The following UTP4 variants were observed in gnomAD, a reference collection of about 807,000 sequenced individuals.
UTP4 encodes the protein UTP4 small subunit processome component.
A neutral mutation model predicts 82.4 loss-of-function variants in UTP4; 45 were observed. That is an observed-to-expected ratio of 0.55 (90% confidence interval 0.43 to 0.70). The LOEUF (loss-of-function observed/expected upper bound fraction) is 0.70, where lower values mean the gene tolerates loss of function less well. UTP4 is among the 30% of genes least tolerant of loss of function. The pLI is 0.00. For missense variants in UTP4, 819 were observed against 858.3 expected (o/e 0.95, Z 0.57); for synonymous variants, 348 against 300.3 (o/e 1.16, Z -1.64).
At position 69,153,656 on chromosome 16, in the gene UTP4, C is replaced by T. The variant is rs547849720; in HGVS notation, c.1075C>T (p.Arg359Ter). The change falls in exon 9 of 17, where the codon CGA (arginine) becomes TGA (stop). Residue 359 changes from arginine to a stop codon, truncating the protein, a stop_gained. Coordinates refer to ENST00000314423, the MANE Select transcript of UTP4 (RefSeq NM_032830.3). LOFTEE classifies it high-confidence loss of function. ...FQFAHHLELW[R>*]LGSTVATGKN... is the part of the protein sequence containing the mutation. ...GTTTGCTCATCACTTAGAACTTTGG[C>T]GACTGGGATCCACAGTTGCAACAGG... is the stretch of plus-strand genomic sequence containing the variant. The T allele has an allele frequency of 1.2e-6, 2 of 1,612,716 alleles. No homozygotes were observed. Among genetic ancestry groups the T allele is most frequent in the East Asian group, 2.2e-5 (1 of 44,878 alleles).
intron 6 of UTP4, among the ~76,000 whole-genome samples, chr16:69,149,149 G>A (rs771885617): frequency 6.6e-6 from 1 of 152,038 alleles, no homozygotes. Flanking sequence ...GGGAGGCCGA[G>A]GAGGGTATAT....
chr16:69,144,695 G>C (rs1205770743), intron 6 of UTP4, among the ~76,000 whole-genome samples: 1 of 152,142 alleles, frequency 6.6e-6, no homozygotes, highest in East Asian at 1.9e-4. Flanking sequence ...CCATATCACA[G>C]GTTTTTTTAG....
chr16:69,150,227 A>G (rs902757370), intron 6 of UTP4, among the ~76,000 whole-genome samples: 2 of 152,200 alleles, frequency 1.3e-5, no homozygotes, highest in Non-Finnish European at 2.9e-5. Context: ...CGAAGGATTT[A>G]AATTTCTCAA....
chr16:69,133,373 G>C, intron 1 of UTP4, 85 bp from the exon 2 acceptor site: 1 of 1,354,370 alleles, frequency 7.4e-7, no homozygotes, highest in South Asian at 1.2e-5. Context: ...CTTCCAGCCA[G>C]AACAGTGATA....
chr16:69,134,957 G>A (rs1962773177), intron 2 of UTP4, among the ~76,000 whole-genome samples: 1 of 151,312 alleles, frequency 6.6e-6, no homozygotes, highest in Non-Finnish European at 1.5e-5. Context: ...AAAGTGCTGG[G>A]ATTACAGGTG....
chr16:69,153,777 A>G (rs954342562), intron 9 of UTP4, 97 bp downstream of exon 9: 1 of 821,126 alleles, frequency 1.2e-6, no homozygotes, highest in Non-Finnish European at 2.1e-6. Context: ...AAACTGAAGT[A>G]GACTTTTGTG....
chr16:69,133,612 G>A lies in UTP4; in HGVS notation c.153G>A (p.Gln51=), dbSNP rs1318308323. Reference sequence around the variant, plus strand: ...ATAACTTGTCAGCAAACTACTTTCAGGAGAAAGTAAGTCATTTGGGAGTCT... The same window carrying A: ...ATAACTTGTCAGCAAACTACTTTCAAGAGAAAGTAAGTCATTTGGGAGTCT... ...EIYNLSANYF[Q]EKFFPGHESR... is the part of the protein sequence containing the mutation. The change falls in exon 2 of 17, where the codon CAG becomes CAA. Residue 51 remains glutamine (Q), a synonymous_variant. Transcript: ENST00000314423. 2.5e-6 allele frequency: 4 copies of A among 1,613,980 alleles called. No individual in the cohort carries two copies. In the East Asian group the frequency reaches 8.9e-5, roughly 36 times the overall value.
intron 5 of UTP4, 56 bp from the exon 6 acceptor site, chr16:69,143,122 A>G: frequency 6.3e-7 from 1 of 1,586,942 alleles, no homozygotes; most frequent in Admixed American, 1.7e-5. Context: ...CCGCAGGCAG[A>G]TTTTGAAGAC....
chr16:69,145,791 GT>G (rs1963093408), intron 6 of UTP4, among the ~76,000 whole-genome samples: 1 of 152,076 alleles, frequency 6.6e-6, no homozygotes. Context: ...TTGGCATAAG[GT>G]TAAGGCAGTG....
chr16:69,160,292 T>C, intron 12 of UTP4, 64 bp from the exon 13 acceptor site: 1 of 1,295,816 alleles, frequency 7.7e-7, no homozygotes, highest in Non-Finnish European at 1.1e-6. Context: ...TGCCATCATC[T>C]CCAGGGCAGG....
chr16:69,146,816 G>T (rs1024434372), intron 6 of UTP4, among the ~76,000 whole-genome samples: 1 of 151,538 alleles, frequency 6.6e-6, no homozygotes, highest in African/African-American at 2.4e-5. Context: ...CTAACATGGT[G>T]AAACCCCATC....
At chr16:69,137,996 T>C (rs1285633758) in intron 4 of UTP4, 111 bp downstream of exon 4, 1 of 759,318 alleles carries the variant, frequency 1.3e-6, no homozygotes, top group Non-Finnish European at 2.3e-6. Flanking sequence ...TTATCTCTAC[T>C]GGGTACAGGG....
In UTP4 at chr16:69,136,811, A is replaced by G. The variant is rs1871257986; in HGVS notation, c.275A>G (p.Asn92Ser). Reference protein sequence around the residue: ...EIMEYDLQALNIKYAMDAFGG... With the variant: ...EIMEYDLQALSIKYAMDAFGG... ...ATGGAGTATGATTTACAGGCGTTAA[A>G]CATCAAGTATGCTATGGATGCCTTT... The change falls in exon 3 of 17, where the codon AAC (asparagine) becomes AGC (serine). Residue 92 changes from asparagine (N) to serine (S), a missense_variant. By Grantham distance (46) the Asn-to-Ser change is conservative. Coordinates refer to ENST00000314423, the MANE Select transcript of UTP4 (RefSeq NM_032830.3). 2.5e-6 allele frequency: 4 copies of G among 1,614,140 alleles called. No homozygotes were observed. The South Asian group carries it at 4.4e-5, about 18-fold the overall frequency.
At chr16:69,133,968 G>C (rs575940078) in intron 2 of UTP4, among the ~76,000 whole-genome samples, 1 of 152,258 alleles carries the variant, frequency 6.6e-6, no homozygotes, top group African/African-American at 2.4e-5. Context: ...TATCAGTACT[G>C]TTTCATTGTC....
chr16:69,166,288 A>G (rs917339841), intron 15 of UTP4: 4 of 156,262 alleles, frequency 2.6e-5, no homozygotes, highest in African/African-American at 9.7e-5. Flanking sequence ...GGAAAGCAGC[A>G]GATGGCTCTA....
chr16:69,155,742 G>C (rs1011903554), intron 10 of UTP4, 129 bp from the exon 11 acceptor site: 1 of 983,656 alleles, frequency 1.0e-6, no homozygotes, highest in African/African-American at 1.6e-5. Context: ...CAGACCACAC[G>C]AGGATCGAGA....
chr16:69,165,755 A>G (rs1963686828), intron 15 of UTP4: 3 of 611,334 alleles, frequency 4.9e-6, no homozygotes, highest in East Asian at 5.5e-5. Flanking sequence ...TGGCCTTTGT[A>G]TACTGGCTTT....
Position 69,157,355 on chromosome 16 carries a change from C to G in UTP4, c.1444+115C>G. On this transcript the variant is annotated intron_variant, in intron 12 of 16. Coordinates refer to ENST00000314423, the MANE Select transcript of UTP4 (RefSeq NM_032830.3). Reference sequence around the variant, plus strand: ...ATGTTCCTCCTACCCTGCAGATACACTCACTCACATGTTTGCTGTTTCAAG... The same window carrying G: ...ATGTTCCTCCTACCCTGCAGATACAGTCACTCACATGTTTGCTGTTTCAAG... The G allele has an allele frequency of 4.0e-6, 4 of 998,836 alleles. No homozygotes were observed. In the South Asian group the frequency reaches 5.5e-5, roughly 14 times the overall value. The allele number at this position is 998,836 out of a possible 1,614,324, so 61.9% of individuals were successfully genotyped here.
At chr16:69,151,401 A>C (rs976505018) in intron 8 of UTP4, among the ~76,000 whole-genome samples, 1 of 148,728 alleles carries the variant, frequency 6.7e-6, no homozygotes, top group African/African-American at 2.5e-5. Context: ...CACTCACTGC[A>C]AGCTCCGCCT....
Sources: allele counts gnomAD v4.1 joint callset (sites outside exome capture counted in the v4.1 genomes callset), GRCh38; gene constraint gnomAD v4.1.1; transcripts MANE v1.5; gene names NCBI Gene and HGNC (gene_info 2026-07-23, HGNC 2026-07-21).